The following FCN1 variants were observed in gnomAD, a reference collection of about 807,000 sequenced individuals.
FCN1 encodes the protein ficolin-1.
In FCN1, 42 loss-of-function variants were observed where a neutral mutation model predicts 35.6. That is an observed-to-expected ratio of 1.18 (90% CI 0.92 to 1.53). The LOEUF is 1.53. Among genes scored for constraint, FCN1 ranks in the 40% most tolerant of loss-of-function variants. The pLI, the probability that FCN1 is intolerant of heterozygous loss-of-function variation, is 0.00. For synonymous variants in FCN1, 179 were observed against 169.8 expected (o/e 1.05, Z -0.42); for missense variants, 439 against 428.4 (o/e 1.02, Z -0.22).
intron 8 of FCN1, among the ~76,000 whole-genome samples, chr9:134,910,736 G>A (rs572788382): frequency 4.6e-5 from 7 of 152,274 alleles, no homozygotes; most frequent in Admixed American, 4.6e-4. Context: ...CTAAGCAGAC[G>A]CCCTGTAGGA....
Position 134,910,014 on chromosome 9 carries a change from G to A in FCN1, c.765C>T (p.Phe255=). 6.2e-7 allele frequency: 1 copy of A among 1,614,158 alleles called. No homozygotes were observed. Residue 255 remains phenylalanine (F), a synonymous_variant, in exon 9 of 9, where the codon TTC becomes TTT. Transcript: ENST00000371806. ...CATTGTCTTGGTCTTTGGTGGAGAA[G>A]AAGTTGTTGTTGTGGCCCGTTAGAG... ...GNSLTGHNNN[F]FSTKDQDNDV...
Position 134,912,585 on chromosome 9 carries a change from C to A in FCN1, c.499G>T (p.Asp167Tyr), listed in dbSNP as rs746790941. Residue 167 changes from aspartate (D) to tyrosine (Y), a missense_variant, in exon 7 of 9, where the codon GAC becomes TAC. Asp to Tyr is a radical substitution (Grantham distance 160, BLOSUM62 -3). Transcript: ENST00000371806. ...VFQRRMDGSV[D>Y]FYRDWAAYKQ... ...TATGCGGCCCAGTCCCGATAGAAGTCCACAGAGCCATCCATCCTCCGCTGG... is the reference window on the plus strand; with the variant it reads ...TATGCGGCCCAGTCCCGATAGAAGTACACAGAGCCATCCATCCTCCGCTGG... The A allele has an allele frequency of 6.2e-7, 1 of 1,614,154 alleles. No homozygotes were observed. The highest frequency in any genetic ancestry group is 1.1e-5 in the South Asian group (1 of 91,080).
chr9:134,915,804 C>A (rs1038625844), intron 2 of FCN1, among the ~76,000 whole-genome samples: 3 of 152,164 alleles, frequency 2.0e-5, no homozygotes, highest in South Asian at 2.1e-4. Flanking sequence ...CCAAAACCAC[C>A]CAAGGCAGGT....
rs538859874 is a variant in FCN1, at chr9:134,904,159, A to G, written c.*5639T>C. ...TGAAAGACATCAAGTCACAGATTCT[A>G]TGAACCCCAAGCAAGACAAATTCAG... On this transcript the variant is annotated 3_prime_UTR_variant, in exon 9 of 9. Transcript: ENST00000371806. 6.6e-6 allele frequency among the ~76,000 whole-genome samples: 1 copy of G among 152,350 alleles called. No individual in the cohort carries two copies. The highest frequency in any genetic ancestry group is 2.4e-5 in the African/African-American group (1 of 41,598).
rs1289965638 is a variant in FCN1, at chr9:134,911,269, T to C, written c.599-2A>G. 20 of 1,614,020 alleles carry C rather than the reference T, an allele frequency of 1.2e-5. No individual in the cohort carries two copies. The highest frequency in any genetic ancestry group is 1.6e-4 in the Middle Eastern group (1 of 6,062). On this transcript the variant is annotated splice_acceptor_variant, in intron 7 of 8. Coordinates refer to ENST00000371806, the MANE Select transcript of FCN1 (RefSeq NM_002003.5). LOFTEE classifies it high-confidence loss of function. ...GGTCTACACGGAGCTCGCTGCTTCC[T>C]GTTGGAAAAAGATTTTAAGGCCCCA... is the stretch of plus-strand genomic sequence containing the variant.
intron 5 of FCN1, 40 bp from the exon 6 acceptor site, chr9:134,913,183 C>T (rs1188409106): frequency 6.2e-7 from 1 of 1,610,256 alleles, no homozygotes; most frequent in Middle Eastern, 1.6e-4. Flanking sequence ...GGACGGGGGC[C>T]CTGGGCAGGA....
rs1444547516 is a variant in FCN1 at position 134,904,693 on chromosome 9, T to C, written c.*5105A>G. On this transcript the variant is annotated 3_prime_UTR_variant, in exon 9 of 9. Transcript: ENST00000371806. ...TACACGGGAAGCTGAGGCAGGAGAA[T>C]TGTTTGAGCCCAGGAGGTGGAGGTT... 6.6e-6 allele frequency among the ~76,000 whole-genome samples: 1 copy of C among 152,046 alleles called. No individual in the cohort carries two copies. The highest frequency in any genetic ancestry group is 1.5e-5 in the Non-Finnish European group (1 of 68,002).
At position 134,917,773 on chromosome 9, in the gene FCN1, A is replaced by G. The variant is rs1474565832; in HGVS notation, c.99T>C (p.Cys33=). Residue 33 remains cysteine, a synonymous_variant, in exon 1 of 9, where the codon TGT becomes TGC. Coordinates refer to ENST00000371806, the MANE Select transcript of FCN1 (RefSeq NM_002003.5). ...KNLPAQAADT[C]PEVKVVGLEG... ...GAAAACCCAGGTCTGTCTCACCTGG[A>G]CATGTGTCCGCAGCCTGGGCAGGCA... The G allele has an allele frequency of 1.2e-6, 2 of 1,610,894 alleles. No individual in the cohort carries two copies. The highest frequency in any genetic ancestry group is 1.7e-6 in the Non-Finnish European group (2 of 1,177,218).
chr9:134,917,891 T>C lies in FCN1; in HGVS notation c.-20A>G. The stretch of plus-strand genomic sequence containing the variant: ...CTCCATGCTCTCTGGCCTTTGACTC[T>C]GAAGAGTCCCCCAGCTCTAACAGGG... On this transcript the variant is annotated 5_prime_UTR_variant, in exon 1 of 9. Transcript: ENST00000371806. 1 of 1,558,458 alleles carries C rather than the reference T, an allele frequency of 6.4e-7. No homozygotes were observed. Among genetic ancestry groups the C allele is most frequent in the Non-Finnish European group, 8.9e-7 (1 of 1,129,592 alleles).
Position 134,909,325 on chromosome 9 carries a change from T to C in FCN1, c.*473A>G. The C allele has an allele frequency of 7.8e-7, 1 of 1,287,848 alleles. No homozygotes were observed. Among genetic ancestry groups the C allele is most frequent in the Non-Finnish European group, 1.0e-6 (1 of 988,568 alleles). 79.8% of individuals were successfully genotyped at this position (1,287,848 alleles called of 1,614,324 possible). On this transcript the variant is annotated 3_prime_UTR_variant, in exon 9 of 9. Transcript: ENST00000371806. ...CCAAAGTGACCTTTTTCAAGAAGTG[T>C]GAAGTGTTGTGAGTGAGGCATGGGG...
At chr9:134,913,271 C>T in intron 5 of FCN1, 128 bp from the exon 6 acceptor site, 6 of 1,309,790 alleles carry the variant, frequency 4.6e-6, no homozygotes, top group South Asian at 1.3e-5. Context: ...GACTCCGAGG[C>T]CTGGACAGGG....
At position 134,909,753 on chromosome 9, in the gene FCN1, G is replaced by A. The variant is rs1588655039; in HGVS notation, c.*45C>T. ...CTTCCACGACGCAGCGCTTGTGGGT[G>A]TGGCCTCCCCACTAGCAGGTGCATG... On this transcript the variant is annotated 3_prime_UTR_variant, in exon 9 of 9. Transcript: ENST00000371806. The A allele has an allele frequency of 6.2e-7, 1 of 1,606,930 alleles. No individual in the cohort carries two copies. The highest frequency in any genetic ancestry group is 2.2e-5 in the East Asian group (1 of 44,850).
Position 134,911,222 on chromosome 9 carries a change from T to C in FCN1, c.644A>G (p.His215Arg). The change falls in exon 8 of 9, where the codon CAC (histidine) becomes CGC (arginine). Residue 215 changes from histidine to arginine, a missense_variant. His to Arg is a conservative substitution (Grantham distance 29). Coordinates refer to ENST00000371806, the MANE Select transcript of FCN1 (RefSeq NM_002003.5). ...RVDLVDFEGNHQFAKYKSFKV... is the reference protein window; with the variant it reads ...RVDLVDFEGNRQFAKYKSFKV... ...GAATGATTTGTACTTAGCAAACTGGTGGTTGCCCTCAAAGTCCACCAGGTC... is the reference window on the plus strand; with the variant it reads ...GAATGATTTGTACTTAGCAAACTGGCGGTTGCCCTCAAAGTCCACCAGGTC... 3 of 1,613,982 alleles carry C rather than the reference T, an allele frequency of 1.9e-6. No homozygotes were observed. The highest frequency in any genetic ancestry group is 2.5e-6 in the Non-Finnish European group (3 of 1,179,910).
intron 1 of FCN1, 109 bp downstream of exon 1, chr9:134,917,660 G>T (rs374075919): frequency 2.9e-6 from 2 of 698,968 alleles, no homozygotes. Flanking sequence ...GATCTGTTGG[G>T]CATCTTCACA....
chr9:134,904,457 A>G lies in FCN1; in HGVS notation c.*5341T>C, dbSNP rs1308792900. ...ATGTTTTCAGATAATAAAAGTGGAC[A>G]GAATTCATCCTCAGCAGACTTTCAT... On this transcript the variant is annotated 3_prime_UTR_variant, in exon 9 of 9. Transcript: ENST00000371806. Among the ~76,000 whole-genome samples the G allele has an allele frequency of 6.6e-6, 1 of 152,240 alleles. No homozygotes were observed. The highest frequency in any genetic ancestry group is 1.5e-5 in the Non-Finnish European group (1 of 68,050).
At chr9:134,913,219 G>GA in intron 5 of FCN1, 76 bp from the exon 6 acceptor site, 1 of 1,562,510 alleles carries the variant, frequency 6.4e-7, no homozygotes, top group Non-Finnish European at 8.7e-7. Context: ...GGAGGCCCAG[G>GA]AGGGAGGAGG....
At chr9:134,915,206 G>A (rs1355726005) in intron 2 of FCN1, among the ~76,000 whole-genome samples, 1 of 152,148 alleles carries the variant, frequency 6.6e-6, no homozygotes, top group Admixed American at 6.5e-5. Flanking sequence ...GTCCCCACAC[G>A]GAGAGGGTGG....
At chr9:134,913,177 G>T in intron 5 of FCN1, 34 bp from the exon 6 acceptor site, 1 of 1,609,286 alleles carries the variant, frequency 6.2e-7, no homozygotes, top group Non-Finnish European at 8.5e-7. Context: ...GCTGCAGGAC[G>T]GGGGCCCTGG....
At chr9:134,911,077 G>A (rs888750066) in intron 8 of FCN1, 56 bp downstream of exon 8, 3 of 1,594,132 alleles carry the variant, frequency 1.9e-6, no homozygotes, top group African/African-American at 1.3e-5. Context: ...GACAGAGCCA[G>A]GTTCTCTCTG....
Sources: allele counts gnomAD v4.1 joint callset (sites outside exome capture counted in the v4.1 genomes callset), GRCh38; gene constraint gnomAD v4.1.1; transcripts MANE v1.5; gene names NCBI Gene and HGNC (gene_info 2026-07-23, HGNC 2026-07-21).